The following SYN2 variants were observed in gnomAD, a reference collection of about 807,000 sequenced individuals.
SYN2 encodes the protein synapsin II.
In SYN2, 19 loss-of-function variants were observed where a neutral mutation model predicts 50.9. That is an observed-to-expected ratio of 0.37 (90% CI 0.26 to 0.55). SYN2 has a LOEUF of 0.55. Ranked by LOEUF, SYN2 falls within the 20% of genes least tolerant of loss-of-function variation. SYN2 has a pLI of 0.81. For missense variants in SYN2, 587 were observed against 576.4 expected, an observed-to-expected ratio of 1.02 and a Z score of -0.19; for synonymous variants, 255 against 224.9, an observed-to-expected ratio of 1.13 and a Z score of -1.20.
intron 1 of SYN2, among the ~76,000 whole-genome samples, chr3:12,136,945 C>G (rs1392187389): frequency 6.6e-6 from 1 of 152,012 alleles, no homozygotes; most frequent in Non-Finnish European, 1.5e-5. Context: ...ACAAGACTGC[C>G]AATCAGAAAG....
chr3:12,077,308 TA>T (rs943010345), intron 1 of SYN2, among the ~76,000 whole-genome samples: 18 of 151,448 alleles, frequency 1.2e-4, no homozygotes, highest in African/African-American at 1.9e-4. Flanking sequence ...CCTTTTTTTT[TA>T]AAAAAAAATT....
At chr3:12,142,578 T>C (rs923717216) in intron 3 of SYN2, among the ~76,000 whole-genome samples, 21 of 152,196 alleles carry the variant, frequency 1.4e-4, no homozygotes, top group African/African-American at 4.8e-4. Flanking sequence ...TTAGCAATTA[T>C]TGAGCACTTA....
chr3:12,157,376 C>G, intron 5 of SYN2: 1 of 1,613,696 alleles, frequency 6.2e-7, no homozygotes, highest in Non-Finnish European at 8.5e-7. Flanking sequence ...CCAGCCTGCC[C>G]CCATGTACCT....
At chr3:12,040,242 A>C (rs1415288914) in intron 1 of SYN2, among the ~76,000 whole-genome samples, 1 of 152,158 alleles carries the variant, frequency 6.6e-6, no homozygotes, top group East Asian at 1.9e-4. Flanking sequence ...AGTTGCAGAC[A>C]GAAAGGGCAG....
chr3:12,187,738 G>GT, intron 12 of SYN2, 126 bp downstream of exon 12: 4 of 118,538 alleles, frequency 3.4e-5, no homozygotes, highest in Non-Finnish European at 5.7e-5. Context: ...GATGGGATTT[G>GT]GTTTTTTTTT....
At chr3:12,077,298 C>T (rs453011) in intron 1 of SYN2, among the ~76,000 whole-genome samples, 125,417 of 151,830 alleles carry the variant, frequency 0.83, 52,255 homozygotes, top group Middle Eastern at 0.93. Flanking sequence ...GAATTTTTTT[C>T]CTTTTTTTTT....
chr3:12,166,706 G>A (rs1409781045), intron 7 of SYN2, among the ~76,000 whole-genome samples: 1 of 152,204 alleles, frequency 6.6e-6, no homozygotes, highest in Non-Finnish European at 1.5e-5. Flanking sequence ...GAGTGAGCCA[G>A]TAAAGAAGAT....
intron 2 of SYN2, 62 bp downstream of exon 2, chr3:12,140,770 A>G (rs1257172894): frequency 1.4e-6 from 1 of 723,416 alleles, no homozygotes; most frequent in Non-Finnish European, 2.6e-6. Context: ...GACATGCCAG[A>G]GTGAACCATC....
At chr3:12,025,385 A>T (rs1231638160) in intron 1 of SYN2, among the ~76,000 whole-genome samples, 1 of 152,244 alleles carries the variant, frequency 6.6e-6, no homozygotes, top group Non-Finnish European at 1.5e-5. Flanking sequence ...TACCTAACAT[A>T]AAGGAAGAAA....
At chr3:12,098,220 G>T (rs1207788462) in intron 1 of SYN2, among the ~76,000 whole-genome samples, 3 of 152,112 alleles carry the variant, frequency 2.0e-5, no homozygotes, top group Admixed American at 2.0e-4. Context: ...GAGGCAGTGG[G>T]ATGACACATT....
chr3:12,101,727 T>TA (rs1411342130), intron 1 of SYN2, among the ~76,000 whole-genome samples: 2 of 152,192 alleles, frequency 1.3e-5, no homozygotes, highest in Non-Finnish European at 2.9e-5. Context: ...CTATGGCCCT[T>TA]AAGCATGTTA....
intron 5 of SYN2, chr3:12,153,533 A>G: frequency 6.2e-7 from 1 of 1,613,720 alleles, no homozygotes. Context: ...GAACGATGTC[A>G]ACAAACTCCT....
At chr3:12,167,155 A>C in intron 7 of SYN2, 79 bp from the exon 8 acceptor site, 1 of 1,462,706 alleles carries the variant, frequency 6.8e-7, no homozygotes, top group Non-Finnish European at 9.4e-7. Context: ...ACAGTGAACT[A>C]AAATTCTGGA....
At position 12,187,460 on chromosome 3, in the gene SYN2, CTCTTCCTCCTCT is replaced by C. The variant is rs59427025; in HGVS notation, c.1473_1484del (p.Ser493_Ser496del). 0.05 allele frequency: 78,243 copies of C among 1,552,486 alleles called. 2,250 individuals carry two copies. The highest frequency in any genetic ancestry group is 0.057 in the Non-Finnish European group (65,229 of 1,146,672). On this transcript the variant is annotated inframe_deletion, in exon 12 of 13. Coordinates refer to ENST00000621198, the MANE Select transcript of SYN2 (RefSeq NM_133625.6). ...CTGGACCATCACTGCCACCTTCCTCCTCTTCCTCCTCTTCTTCCTCCTCCTCGGCTCCTCAGC... is the reference window on the plus strand; with the variant it reads ...CTGGACCATCACTGCCACCTTCCTCCTCTTCCTCCTCCTCGGCTCCTCAGC...
intron 1 of SYN2, among the ~76,000 whole-genome samples, chr3:12,124,472 TAAAG>T (rs1206622052): frequency 6.6e-6 from 1 of 151,946 alleles, no homozygotes; most frequent in Non-Finnish European, 1.5e-5. Context: ...ACTAGAAAAT[TAAAG>T]AGAAATGACT....
chr3:12,020,945 T>A (rs968867816), intron 1 of SYN2, among the ~76,000 whole-genome samples: 7 of 152,230 alleles, frequency 4.6e-5, no homozygotes, highest in Admixed American at 3.3e-4. Context: ...TCTCATAATT[T>A]TACCATAGCA....
chr3:12,044,177 TCTCTCACACACA>T (rs1694681549), intron 1 of SYN2, among the ~76,000 whole-genome samples: 2 of 60,742 alleles, frequency 3.3e-5, no homozygotes, highest in South Asian at 2.5e-3. Flanking sequence ...TCTCTCTCTC[TCTCTCACACACA>T]CACACACACA....
At chr3:12,131,153 G>A (rs971808674) in intron 1 of SYN2, among the ~76,000 whole-genome samples, 5 of 152,206 alleles carry the variant, frequency 3.3e-5, no homozygotes, top group African/African-American at 1.2e-4. Flanking sequence ...AAGTGCCCTG[G>A]TGCAGGAGTG....
chr3:12,128,167 A>C (rs1303652879), intron 1 of SYN2, among the ~76,000 whole-genome samples: 2 of 151,890 alleles, frequency 1.3e-5, no homozygotes. Flanking sequence ...CTGGTTTCGA[A>C]CTCCTGGACT....
Sources: gnomAD v4.1 joint callset for allele counts (sites outside exome capture counted in the v4.1 genomes callset) on GRCh38, gnomAD v4.1.1 for gene constraint, MANE v1.5 for transcripts, NCBI Gene and HGNC (gene_info 2026-07-23, HGNC 2026-07-21) for gene names.